DRD3: variants seen among roughly 807,000 people sequenced by gnomAD.
The protein encoded by DRD3 is dopamine receptor D3.
A neutral mutation model predicts 36.3 loss-of-function variants in DRD3; 19 were observed. The observed-to-expected ratio is 0.52, with a 90% CI of 0.36 to 0.77. The LOEUF is 0.77. Among genes scored for constraint, DRD3 ranks in the 30% least tolerant of loss-of-function variants. The probability of loss-of-function intolerance (pLI) is 0.00; values close to 1 mark genes in which losing one functional copy is unlikely to be tolerated. For missense variants in DRD3, 465 were observed against 505.3 expected (o/e 0.92, Z 0.77); for synonymous variants, 195 against 203.7 (o/e 0.96, Z 0.36).
chr3:114,155,335 T>A (rs1300519057), intron 3 of DRD3, among the ~76,000 whole-genome samples: 1 of 152,116 alleles, frequency 6.6e-6, no homozygotes, highest in East Asian at 1.9e-4. Context: ...TGGTGAGAAT[T>A]CATTGGCCCA....
chr3:114,193,879 T>C (rs1259733263), intron 1 of DRD3, among the ~76,000 whole-genome samples: 2 of 152,242 alleles, frequency 1.3e-5, no homozygotes. Flanking sequence ...ACAGTTTCAT[T>C]TGGCTTTTTT....
rs1036803240 is a variant in DRD3 at position 114,198,417 on chromosome 3, G to T, written c.-156+856C>A. On this transcript the variant is annotated intron_variant, in intron 1 of 7. Coordinates refer to the DRD3 transcript ENST00000460779. ...CTCCCAAAGTGCTGGGATTACAGGTGTGAGCCACTACACTCAGCCTGGTTT... is the reference window on the plus strand; with the variant it reads ...CTCCCAAAGTGCTGGGATTACAGGTTTGAGCCACTACACTCAGCCTGGTTT... 1.8e-4 allele frequency among the ~76,000 whole-genome samples: 27 copies of T among 152,074 alleles called. No individual in the cohort carries two copies. In the East Asian group the frequency reaches 5.2e-3, roughly 29 times the overall value.
At position 114,139,658 on chromosome 3, in the gene DRD3, CA is replaced by C. The variant is rs1450641252; in HGVS notation, c.564del (p.Phe188LeufsTer16). On this transcript the variant is annotated frameshift_variant, in exon 5 of 7. Coordinates refer to ENST00000383673, the MANE Select transcript of DRD3 (RefSeq NM_000796.6). LOFTEE classifies it high-confidence loss of function. ...AAGGACACCACTGAAGAGTAGATGA[CA>C]AAATCAGGGTTGGAGATGGAGCAGA... ...PTVCSISNPDFVIYSSVVSFY... is the reference protein window; with the variant it reads ...PTVCSISNPDXVIYSSVVSFY... 1 of 1,614,074 alleles carries C rather than the reference CA, an allele frequency of 6.2e-7. No individual in the cohort carries two copies. The highest frequency in any genetic ancestry group is 8.5e-7 in the Non-Finnish European group (1 of 1,180,008).
In DRD3 at chr3:114,152,436, A is replaced by G. The variant is rs2077626292; in HGVS notation, c.384-4879T>C. Among the ~76,000 whole-genome samples, 3 of 152,242 alleles carry G rather than the reference A, an allele frequency of 2.0e-5. No homozygotes were observed. In the South Asian group the frequency reaches 6.2e-4, roughly 31 times the overall value. On this transcript the variant is annotated intron_variant, in intron 3 of 6. Transcript: ENST00000383673. ...GCATTAGGGAAAACTTCTGTGACAA[A>G]GATTTTTGTTCACTTGGATAAGAAG... is the stretch of plus-strand genomic sequence containing the variant.
At chr3:114,139,765 G>A (rs1032920682) in intron 4 of DRD3, 69 bp from the exon 5 acceptor site, 47 of 1,476,714 alleles carry the variant, frequency 3.2e-5, no homozygotes, top group Non-Finnish European at 3.2e-5. Context: ...CATAAAACAC[G>A]GCTCCATGTC....
intron 1 of DRD3, among the ~76,000 whole-genome samples, chr3:114,184,637 G>A (rs2077965358): frequency 6.6e-6 from 1 of 151,238 alleles, no homozygotes; most frequent in Non-Finnish European, 1.5e-5. Flanking sequence ...CTCAGCTTTT[G>A]TTTATCTGGC....
chr3:114,181,766 T>C (rs543441585), upstream of DRD3, among the ~76,000 whole-genome samples: 30 of 152,244 alleles, frequency 2.0e-4, no homozygotes, highest in African/African-American at 7.2e-4. Flanking sequence ...AGTGATTTTG[T>C]TTGAAAGGAA....
chr3:114,188,342 G>A (rs1576091550), intron 1 of DRD3, among the ~76,000 whole-genome samples: 1 of 151,830 alleles, frequency 6.6e-6, no homozygotes, highest in East Asian at 1.9e-4. Context: ...CCCTCAAGTG[G>A]CTGGGACTAC....
upstream of DRD3, among the ~76,000 whole-genome samples, chr3:114,179,231 C>G (rs957620101): frequency 6.6e-6 from 1 of 152,070 alleles, no homozygotes; most frequent in African/African-American, 2.4e-5. Context: ...TCAGAAGGAA[C>G]AGATCATCAA....
At chr3:114,142,679 A>G (rs1263971332) in intron 4 of DRD3, among the ~76,000 whole-genome samples, 2 of 152,190 alleles carry the variant, frequency 1.3e-5, no homozygotes, top group Non-Finnish European at 2.9e-5. Flanking sequence ...GTATGTATGT[A>G]TCTCATGGGC....
chr3:114,165,833 T>C (rs921256100), intron 2 of DRD3, among the ~76,000 whole-genome samples: 2 of 151,632 alleles, frequency 1.3e-5, no homozygotes, highest in African/African-American at 4.9e-5. Context: ...AAATAGGGGG[T>C]TTGTAGCTTA....
chr3:114,156,349 G>A (rs773274318), intron 3 of DRD3, among the ~76,000 whole-genome samples: 9 of 152,064 alleles, frequency 5.9e-5, no homozygotes, highest in South Asian at 2.1e-4. Flanking sequence ...GCACCAAATC[G>A]TCTCGACATG....
At chr3:114,139,417 G>A in intron 5 of DRD3, 83 bp downstream of exon 5, 1 of 1,349,110 alleles carries the variant, frequency 7.4e-7, no homozygotes, top group Non-Finnish European at 1.0e-6. Flanking sequence ...TAGCTAAACG[G>A]CAAAATCATG....
chr3:114,181,164 C>T (rs1259072448), upstream of DRD3, among the ~76,000 whole-genome samples: 1 of 152,164 alleles, frequency 6.6e-6, no homozygotes, highest in Non-Finnish European at 1.5e-5. Flanking sequence ...TTAGTGCCTT[C>T]CTTTGGCAAA....
At chr3:114,171,650 C>T (rs978937758) in intron 2 of DRD3, 73 bp downstream of exon 2, 2 of 1,443,652 alleles carry the variant, frequency 1.4e-6, no homozygotes, top group African/African-American at 1.5e-5. Context: ...CTTTTGAGCC[C>T]CAAAGGCCAG....
At chr3:114,182,143 T>A (rs2077951544), upstream of DRD3, among the ~76,000 whole-genome samples, 1 of 152,176 alleles carries the variant, frequency 6.6e-6, no homozygotes, top group African/African-American at 2.4e-5. Flanking sequence ...AAAGTGTAAA[T>A]GAAAGTTGGC....
chr3:114,159,901 C>A, intron 2 of DRD3, 34 bp from the exon 3 acceptor site: 1 of 1,597,904 alleles, frequency 6.3e-7, no homozygotes, highest in Non-Finnish European at 8.6e-7. Context: ...TAGTGTTTAC[C>A]CCAGTGAAGG....
At chr3:114,139,949 T>A (rs1056811703) in intron 4 of DRD3, among the ~76,000 whole-genome samples, 30 of 152,258 alleles carry the variant, frequency 2.0e-4, no homozygotes, top group African/African-American at 6.7e-4. Context: ...GCTACAAAGA[T>A]GAATGAGACA....
At chr3:114,164,772 A>T (rs767852701) in intron 2 of DRD3, among the ~76,000 whole-genome samples, 1 of 152,164 alleles carries the variant, frequency 6.6e-6, no homozygotes, top group Non-Finnish European at 1.5e-5. Context: ...TTCTTTTTTG[A>T]GATGGAGTCT....
Sources: allele counts gnomAD v4.1 joint callset (sites outside exome capture counted in the v4.1 genomes callset), GRCh38; gene constraint gnomAD v4.1.1; transcripts MANE v1.5; gene names NCBI Gene and HGNC (gene_info 2026-07-23, HGNC 2026-07-21).